The following CDH13 variants were observed in gnomAD, a reference collection of about 807,000 sequenced individuals.
CDH13 encodes cadherin 13.
CDH13 carries 24 observed loss-of-function variants against 63.8 expected under a neutral mutation model. That is an observed-to-expected ratio of 0.38 (90% CI 0.27 to 0.53). The LOEUF (loss-of-function observed/expected upper bound fraction) is 0.53, where lower values mean the gene tolerates loss of function less well. Among genes scored for constraint, CDH13 ranks in the 20% least tolerant of loss-of-function variants. CDH13 has a pLI of 0.85. For missense variants in CDH13, 1,049 were observed against 903.1 expected (o/e 1.16, Z -2.07); for synonymous variants, 503 against 355.3 (o/e 1.42, Z -4.67).
At chr16:83,467,253 G>T (rs1255844015) in intron 6 of CDH13, among the ~76,000 whole-genome samples, 1 of 152,136 alleles carries the variant, frequency 6.6e-6, no homozygotes, top group East Asian at 1.9e-4. Flanking sequence ...TTTCTTTAAA[G>T]ATTGGAAAGA....
chr16:82,937,999 TTG>T (rs1288537208), intron 2 of CDH13, among the ~76,000 whole-genome samples: 1 of 152,244 alleles, frequency 6.6e-6, no homozygotes. Context: ...AACAATGGAA[TTG>T]TGTTAGCTTA....
intron 9 of CDH13, among the ~76,000 whole-genome samples, chr16:83,677,088 C>A (rs779743854): frequency 6.6e-6 from 1 of 152,212 alleles, no homozygotes; most frequent in Admixed American, 6.5e-5. Flanking sequence ...GCATTAGGAA[C>A]TTGATAGAAG....
intron 2 of CDH13, among the ~76,000 whole-genome samples, chr16:82,891,724 C>T (rs2041087425): frequency 6.6e-6 from 1 of 152,128 alleles, no homozygotes; most frequent in African/African-American, 2.4e-5. Flanking sequence ...GTGGTTCTCA[C>T]CTAAAGTACA....
chr16:83,383,345 T>G (rs1029343033), intron 6 of CDH13: 4 of 152,152 alleles, frequency 2.6e-5, no homozygotes, highest in African/African-American at 4.8e-5. Flanking sequence ...CCCAAAAAAG[T>G]CACCATTTTC....
chr16:83,354,055 G>A (rs2091008797), intron 6 of CDH13, among the ~76,000 whole-genome samples: 1 of 152,238 alleles, frequency 6.6e-6, no homozygotes, highest in African/African-American at 2.4e-5. Context: ...AGGAGCATTT[G>A]TAGCTTCAGA....
chr16:83,266,341 C>A (rs1907620122), intron 5 of CDH13, among the ~76,000 whole-genome samples: 1 of 152,196 alleles, frequency 6.6e-6, no homozygotes, highest in South Asian at 2.1e-4. Context: ...AAGACCATAG[C>A]TCCTTCCATG....
chr16:83,533,838 C>T (rs369953484), intron 7 of CDH13, among the ~76,000 whole-genome samples: 100 of 152,152 alleles, frequency 6.6e-4, no homozygotes, highest in African/African-American at 2.3e-3. Context: ...CCAGGCTAGT[C>T]TCAAACTCCT....
intron 1 of CDH13, among the ~76,000 whole-genome samples, chr16:82,856,475 G>A (rs867439032): frequency 5.3e-5 from 8 of 151,486 alleles, no homozygotes; most frequent in South Asian, 2.1e-4. Context: ...GTCGAGGTGG[G>A]TGGATCACTT....
At chr16:83,394,685 G>T (rs1358917423) in intron 6 of CDH13, among the ~76,000 whole-genome samples, 1 of 151,832 alleles carries the variant, frequency 6.6e-6, no homozygotes, top group African/African-American at 2.4e-5. Context: ...AGAGATCAAA[G>T]TGGATGAGAA....
At chr16:83,435,857 T>C (rs539301067) in intron 6 of CDH13, among the ~76,000 whole-genome samples, 9 of 152,314 alleles carry the variant, frequency 5.9e-5, no homozygotes, top group African/African-American at 2.2e-4. Flanking sequence ...CAGACTCCGC[T>C]GTGTGAAGAG....
intron 1 of CDH13, among the ~76,000 whole-genome samples, chr16:82,679,292 C>T (rs1220007659): frequency 2.0e-5 from 3 of 152,130 alleles, no homozygotes; most frequent in Non-Finnish European, 4.4e-5. Flanking sequence ...TGTTGTTGAT[C>T]ACGTACCTGG....
intron 6 of CDH13, among the ~76,000 whole-genome samples, chr16:83,412,605 C>G (rs1381055050): frequency 6.6e-6 from 1 of 152,122 alleles, no homozygotes; most frequent in Non-Finnish European, 1.5e-5. Flanking sequence ...ATTTGTGGTC[C>G]CCGAAGAAAG....
At chr16:82,974,783 T>C (rs1455731783) in intron 2 of CDH13, among the ~76,000 whole-genome samples, 1 of 152,108 alleles carries the variant, frequency 6.6e-6, no homozygotes, top group African/African-American at 2.4e-5. Context: ...ATGTAGAACA[T>C]GTAAAAGAAA....
intron 3 of CDH13, among the ~76,000 whole-genome samples, chr16:83,046,773 G>A (rs1300566906): frequency 6.6e-6 from 1 of 152,128 alleles, no homozygotes. Flanking sequence ...CCTTCAGTTG[G>A]CCTGAGATTG....
At chr16:83,434,053 A>G (rs1235170645) in intron 6 of CDH13, among the ~76,000 whole-genome samples, 2 of 152,186 alleles carry the variant, frequency 1.3e-5, no homozygotes, top group Non-Finnish European at 2.9e-5. Flanking sequence ...GTTTCCCAGA[A>G]GTGCAGTACA....
intron 10 of CDH13, among the ~76,000 whole-genome samples, chr16:83,742,118 T>G (rs914684535): frequency 2.0e-5 from 3 of 152,316 alleles, no homozygotes; most frequent in East Asian, 1.9e-4. Context: ...CACCAATACT[T>G]GAGCCCCTGA....
chr16:83,102,955 T>TTTTTTTTTTTTTTTC (rs2034568147), intron 3 of CDH13, among the ~76,000 whole-genome samples: 1 of 117,120 alleles, frequency 8.5e-6, no homozygotes, highest in Non-Finnish European at 1.8e-5. Context: ...TTTCTTTTTT[T>TTTTTTTTTTTTTTTC]TTTTTTTTTT....
intron 7 of CDH13, among the ~76,000 whole-genome samples, chr16:83,497,041 G>T (rs1409552380): frequency 6.6e-6 from 1 of 152,180 alleles, no homozygotes; most frequent in Non-Finnish European, 1.5e-5. Context: ...GGAGAAATAG[G>T]AACGCTTTTA....
intron 4 of CDH13, chr16:83,180,894 G>A (rs748655045): frequency 2.8e-5 from 43 of 1,530,722 alleles, no homozygotes; most frequent in Middle Eastern, 1.7e-4. Context: ...TATTAACAGC[G>A]AACTTCTCTT....
Sources: allele counts gnomAD v4.1 joint callset (sites outside exome capture counted in the v4.1 genomes callset), GRCh38; gene constraint gnomAD v4.1.1; transcripts MANE v1.5; gene names NCBI Gene and HGNC (gene_info 2026-07-23, HGNC 2026-07-21).